MEIS1: variants seen among roughly 807,000 people sequenced by gnomAD.
MEIS1 encodes homeobox protein Meis1.
In MEIS1, 5 loss-of-function variants were observed where a neutral mutation model predicts 50.8. The observed-to-expected ratio is 0.10, with a 90% CI of 0.05 to 0.21. The LOEUF (loss-of-function observed/expected upper bound fraction) is 0.21, where lower values mean the gene tolerates loss of function less well. Among genes scored for constraint, MEIS1 ranks in the 10% least tolerant of loss-of-function variants. The probability of loss-of-function intolerance (pLI) is 1.00; values close to 1 mark genes in which losing one functional copy is unlikely to be tolerated. For missense variants in MEIS1, 318 were observed against 517.3 expected, an observed-to-expected ratio of 0.61 and a Z score of 3.74; for synonymous variants, 176 against 179.3, an observed-to-expected ratio of 0.98 and a Z score of 0.15.
rs1674094688 is a variant in MEIS1, at chr2:66,520,669, G to A, written c.888+8375G>A. On this transcript the variant is annotated intron_variant, in intron 8 of 12. Coordinates refer to ENST00000272369, the MANE Select transcript of MEIS1 (RefSeq NM_002398.3). ...TTATTCTATCCTTTCAACAGCTGAAGGAAAAAAATTTATTGTAATGCTAAA... is the reference window on the plus strand; with the variant it reads ...TTATTCTATCCTTTCAACAGCTGAAAGAAAAAAATTTATTGTAATGCTAAA... Among the ~76,000 whole-genome samples the A allele has an allele frequency of 2.0e-5, 3 of 152,222 alleles. No individual in the cohort carries two copies. In the South Asian group the frequency reaches 6.2e-4, roughly 32 times the overall value.
In MEIS1 at chr2:66,440,165, T is replaced by C. The variant is rs978403085; in HGVS notation, c.381+181T>C. 16 of 654,708 alleles carry C rather than the reference T, an allele frequency of 2.4e-5. No homozygotes were observed. In the African/African-American group the frequency reaches 2.9e-4, roughly 12 times the overall value. The allele number at this position is 654,708 out of a possible 1,614,324, so 40.6% of individuals were successfully genotyped here. A position where few individuals can be genotyped will look rare whatever the true frequency, so the allele number is the denominator to read the frequency against. On this transcript the variant is annotated intron_variant, in intron 3 of 12. Transcript: ENST00000272369. ...ATGTTACCTCCAACCTCAGATTTTC[T>C]CTCTGTCTGAGTGTCTGTTTGCAGA...
chr2:66,516,891 A>T (rs1673985178), intron 8 of MEIS1, among the ~76,000 whole-genome samples: 1 of 152,190 alleles, frequency 6.6e-6, no homozygotes, highest in African/African-American at 2.4e-5. Context: ...GCCATTTTGG[A>T]AGAATTATTC....
Position 66,573,329 on chromosome 2 carries a change from A to T in MEIS1, c.*2121A>T, listed in dbSNP as rs1434212204. 1.3e-5 allele frequency: 2 copies of T among 152,236 alleles called. No homozygotes were observed. The highest frequency in any genetic ancestry group is 2.9e-5 in the Non-Finnish European group (2 of 68,040). 9.4% of individuals were successfully genotyped at this position (152,236 alleles called of 1,614,324 possible). On this transcript the variant is annotated 3_prime_UTR_variant, in exon 13 of 13. Transcript: ENST00000272369. ...TTTAAATAAAATTGCTGCTATAAAAAGTGCTTCCCAAAGCTAAGGAAAATA... is the reference window on the plus strand; with the variant it reads ...TTTAAATAAAATTGCTGCTATAAAATGTGCTTCCCAAAGCTAAGGAAAATA...
chr2:66,503,274 A>G (rs1250651164), intron 7 of MEIS1, among the ~76,000 whole-genome samples: 2 of 151,990 alleles, frequency 1.3e-5, no homozygotes, highest in East Asian at 3.9e-4. Context: ...AACACCCACA[A>G]CCTGCTCCTC....
chr2:66,474,190 A>C (rs1672835395), intron 7 of MEIS1, among the ~76,000 whole-genome samples: 1 of 152,096 alleles, frequency 6.6e-6, no homozygotes, highest in Non-Finnish European at 1.5e-5. Flanking sequence ...CCATCCACCT[A>C]ATCACTTGTT....
intron 6 of MEIS1, among the ~76,000 whole-genome samples, chr2:66,452,266 G>A (rs569405143): frequency 1.9e-4 from 29 of 151,994 alleles, no homozygotes; most frequent in African/African-American, 6.5e-4. Context: ...CCTAAGAGAT[G>A]TAGTGTCAGG....
At chr2:66,568,353 C>T (rs775606211) in intron 10 of MEIS1, 5 of 261,278 alleles carry the variant, frequency 1.9e-5, no homozygotes, top group Non-Finnish European at 3.0e-5. Flanking sequence ...ATGTTAGCAT[C>T]GCATTGAGGC....
At position 66,571,745 on chromosome 2, in the gene MEIS1, A is replaced by G. The variant is rs1005932024; in HGVS notation, c.*537A>G. ...ACATTAAGAGAACAAAGAGTGAAATATTGTAAATGCTATTATACTGTTATC... is the reference window on the plus strand; with the variant it reads ...ACATTAAGAGAACAAAGAGTGAAATGTTGTAAATGCTATTATACTGTTATC... On this transcript the variant is annotated 3_prime_UTR_variant, in exon 13 of 13. Coordinates refer to ENST00000272369, the MANE Select transcript of MEIS1 (RefSeq NM_002398.3). 4 of 569,186 alleles carry G rather than the reference A, an allele frequency of 7.0e-6. No individual in the cohort carries two copies. Among genetic ancestry groups the G allele is most frequent in the Non-Finnish European group, 1.2e-5 (4 of 326,392 alleles). 35.3% of individuals were successfully genotyped at this position (569,186 alleles called of 1,614,324 possible).
intron 6 of MEIS1, among the ~76,000 whole-genome samples, chr2:66,463,609 C>T (rs1191774731): frequency 3.9e-5 from 6 of 152,108 alleles, no homozygotes; most frequent in Non-Finnish European, 5.9e-5. Context: ...ATGTACCATC[C>T]GGCAAACAGC....
chr2:66,470,113 C>G (rs1294965413), intron 7 of MEIS1, among the ~76,000 whole-genome samples: 3 of 152,110 alleles, frequency 2.0e-5, no homozygotes, highest in African/African-American at 7.2e-5. Flanking sequence ...AAGCCTGTAC[C>G]TCTCCAGGGA....
chr2:66,522,717 C>T (rs530684203), intron 8 of MEIS1, among the ~76,000 whole-genome samples: 46 of 152,230 alleles, frequency 3.0e-4, no homozygotes, highest in Middle Eastern at 3.4e-3. Context: ...TGACTGTTGC[C>T]ATGCATATGT....
intron 8 of MEIS1, among the ~76,000 whole-genome samples, chr2:66,515,351 A>G (rs910192411): frequency 6.6e-6 from 1 of 152,174 alleles, no homozygotes; most frequent in African/African-American, 2.4e-5. Context: ...GCCCTTGAAA[A>G]GGCTTTAAAG....
chr2:66,448,358 A>G (rs1383010214), intron 6 of MEIS1, among the ~76,000 whole-genome samples: 1 of 152,144 alleles, frequency 6.6e-6, no homozygotes, highest in Non-Finnish European at 1.5e-5. Flanking sequence ...GTAAAATTCT[A>G]TACTCTTAAA....
chr2:66,508,054 A>T (rs2103844674), intron 7 of MEIS1, among the ~76,000 whole-genome samples: 1 of 152,376 alleles, frequency 6.6e-6, no homozygotes, highest in East Asian at 1.9e-4. Flanking sequence ...ATATTATTTG[A>T]AAGGGCAAAT....
At chr2:66,537,984 A>T (rs1475124804) in intron 8 of MEIS1, among the ~76,000 whole-genome samples, 1 of 152,186 alleles carries the variant, frequency 6.6e-6, no homozygotes, top group Admixed American at 6.5e-5. Flanking sequence ...GTTCAAGTGA[A>T]ATTCTTGGGG....
rs528218492 is a variant in MEIS1, at chr2:66,498,425, G to T, written c.743-13724G>T. 7.5e-4 allele frequency among the ~76,000 whole-genome samples: 114 copies of T among 152,228 alleles called. 1 individual carries two copies. Among genetic ancestry groups the T allele is most frequent in the African/African-American group, 2.6e-3 (107 of 41,548 alleles). On this transcript the variant is annotated intron_variant, in intron 7 of 12. Transcript: ENST00000272369. ...TGGGATTTACATGAGCCCAGACAAA[G>T]AACCCAAGAAGCTAAGCTATTCTCT...
chr2:66,437,654 C>G (rs905717662), intron 1 of MEIS1, 83 bp from the exon 2 acceptor site: 39 of 1,251,282 alleles, frequency 3.1e-5, no homozygotes, highest in Non-Finnish European at 4.2e-5. Context: ...CTGTATTGAC[C>G]TTATATAAGC....
At position 66,548,046 on chromosome 2, in the gene MEIS1, C is replaced by G. The variant is rs564463686; in HGVS notation, c.965+27C>G. On this transcript the variant is annotated intron_variant, in intron 9 of 12. Transcript: ENST00000272369. ...TAAGTAATTTGGCTTTGTGTTTACA[C>G]ACAATCTGTTTCCCCCTCTGGCAAC... The G allele has an allele frequency of 2.5e-6, 4 of 1,608,018 alleles. No homozygotes were observed. In the African/African-American group the frequency reaches 5.3e-5, roughly 21 times the overall value.
Position 66,569,054 on chromosome 2 carries a change from T to C in MEIS1, c.1119T>C (p.Pro373=), listed in dbSNP as rs1675421903. 6.8e-6 allele frequency: 11 copies of C among 1,613,662 alleles called. No individual in the cohort carries two copies. The Admixed American group carries it at 1.0e-4, about 15-fold the overall frequency. Residue 373 remains proline (P), a synonymous_variant, in exon 12 of 13, where the codon CCT becomes CCC. Coordinates refer to ENST00000272369, the MANE Select transcript of MEIS1 (RefSeq NM_002398.3). The part of the protein sequence containing the change: ...QQHMGIRAPG[P]MSGMGMNMGM... ...GGATTTTTATCTCCCTTCTAGGACCTATGAGTGGAATGGGCATGAATATGG... is the reference window on the plus strand; with the variant it reads ...GGATTTTTATCTCCCTTCTAGGACCCATGAGTGGAATGGGCATGAATATGG...
Sources: gnomAD v4.1 joint callset for allele counts (sites outside exome capture counted in the v4.1 genomes callset) on GRCh38, gnomAD v4.1.1 for gene constraint, MANE v1.5 for transcripts, NCBI Gene and HGNC (gene_info 2026-07-23, HGNC 2026-07-21) for gene names.